ADGRB3: variants seen among roughly 807,000 people sequenced by gnomAD.
ADGRB3 encodes the protein brain-specific angiogenesis inhibitor 3.
ADGRB3 carries 37 observed loss-of-function variants against 193.4 expected under a neutral mutation model. That is an observed-to-expected ratio of 0.19 (90% CI 0.15 to 0.25). ADGRB3 has a LOEUF of 0.25. Ranked by LOEUF, ADGRB3 falls within the 10% of genes least tolerant of loss-of-function variation. ADGRB3 has a pLI of 1.00. For synonymous variants in ADGRB3, 690 were observed against 644.2 expected, an observed-to-expected ratio of 1.07 and a Z score of -1.08; for missense variants, 1,637 against 1,852.9, an observed-to-expected ratio of 0.88 and a Z score of 2.14.
intron 10 of ADGRB3, among the ~76,000 whole-genome samples, chr6:68,979,518 CTT>C (rs1198018463): frequency 6.6e-6 from 1 of 151,496 alleles, no homozygotes; most frequent in African/African-American, 2.4e-5. Context: ...CACAAATACA[CTT>C]ATCCAATTAA....
chr6:68,995,849 C>A, intron 11 of ADGRB3, among the ~76,000 whole-genome samples: 1 of 152,220 alleles, frequency 6.6e-6, no homozygotes, highest in South Asian at 2.1e-4. Context: ...GATGACCAAC[C>A]CCCACCTTTA....
At chr6:69,335,226 A>G (rs1290325991) in intron 24 of ADGRB3, among the ~76,000 whole-genome samples, 1 of 152,174 alleles carries the variant, frequency 6.6e-6, no homozygotes, top group African/African-American at 2.4e-5. Context: ...TAATTCATAT[A>G]GCTCTTTATA....
chr6:69,143,270 A>G (rs1227713360), intron 17 of ADGRB3, among the ~76,000 whole-genome samples: 2 of 151,696 alleles, frequency 1.3e-5, no homozygotes, highest in African/African-American at 4.8e-5. Context: ...AGCTCCTTAT[A>G]TATTCTGGTT....
chr6:68,816,342 T>C (rs1480616854), intron 3 of ADGRB3, among the ~76,000 whole-genome samples: 2 of 138,658 alleles, frequency 1.4e-5, no homozygotes, highest in Non-Finnish European at 3.1e-5. Flanking sequence ...CACTGTTAAA[T>C]GTAGAGTTAT....
intron 3 of ADGRB3, among the ~76,000 whole-genome samples, chr6:68,771,383 T>TAC (rs1485083590): frequency 1.4e-3 from 98 of 68,012 alleles, no homozygotes; most frequent in African/African-American, 4.9e-3. Context: ...CTAGGGAATA[T>TAC]ATACACACAC....
At chr6:68,878,533 C>T (rs958706200) in intron 3 of ADGRB3, among the ~76,000 whole-genome samples, 1 of 152,134 alleles carries the variant, frequency 6.6e-6, no homozygotes, top group Non-Finnish European at 1.5e-5. Flanking sequence ...GTGCTATTTA[C>T]ATTAAGAAAA....
At chr6:68,994,083 T>G in intron 11 of ADGRB3, 121 bp downstream of exon 11, 1 of 933,426 alleles carries the variant, frequency 1.1e-6, no homozygotes, top group South Asian at 1.7e-5. Context: ...ATCCAAGTTA[T>G]GCTTAGTGTG....
chr6:68,983,356 T>C (rs1029992265), intron 10 of ADGRB3, among the ~76,000 whole-genome samples: 5 of 151,552 alleles, frequency 3.3e-5, no homozygotes, highest in African/African-American at 9.7e-5. Context: ...TTGAAACTTT[T>C]TGAAGTGTCT....
At chr6:68,835,471 AT>A (rs542804836) in intron 3 of ADGRB3, among the ~76,000 whole-genome samples, 403 of 152,284 alleles carry the variant, frequency 2.6e-3, no homozygotes, top group Middle Eastern at 0.014. Context: ...AAAAAAATTT[AT>A]CCTAAATGCA....
chr6:69,245,191 C>A (rs1766472493), intron 20 of ADGRB3, among the ~76,000 whole-genome samples: 2 of 152,058 alleles, frequency 1.3e-5, no homozygotes, highest in African/African-American at 4.8e-5. Flanking sequence ...GATCTAGTTT[C>A]TTGTCTCTAT....
At chr6:68,787,701 A>G (rs1198200700) in intron 3 of ADGRB3, among the ~76,000 whole-genome samples, 4 of 151,994 alleles carry the variant, frequency 2.6e-5, no homozygotes, top group Middle Eastern at 3.2e-3. Flanking sequence ...CTCTTTTTCT[A>G]TTGATTGGAA....
intron 3 of ADGRB3, among the ~76,000 whole-genome samples, chr6:68,898,739 T>C (rs1174907212): frequency 6.6e-6 from 1 of 152,116 alleles, no homozygotes; most frequent in Non-Finnish European, 1.5e-5. Flanking sequence ...CAGGGATAAT[T>C]CATGTTCATT....
At chr6:69,273,200 C>G (rs1767218872) in intron 20 of ADGRB3, among the ~76,000 whole-genome samples, 1 of 152,110 alleles carries the variant, frequency 6.6e-6, no homozygotes, top group Non-Finnish European at 1.5e-5. Context: ...TGCGCCTGGC[C>G]CTATTACCAG....
At chr6:69,124,102 T>TC (rs1773790757) in intron 17 of ADGRB3, among the ~76,000 whole-genome samples, 1 of 151,884 alleles carries the variant, frequency 6.6e-6, no homozygotes, top group Admixed American at 6.6e-5. Flanking sequence ...ATTTTTTTTT[T>TC]GTAGGTGACA....
intron 20 of ADGRB3, among the ~76,000 whole-genome samples, chr6:69,286,365 C>T (rs1035327890): frequency 1.3e-5 from 2 of 152,152 alleles, no homozygotes; most frequent in African/African-American, 4.8e-5. Context: ...CTACTTTCTC[C>T]CCCCTTAATC....
At chr6:68,843,511 G>A (rs565132286) in intron 3 of ADGRB3, among the ~76,000 whole-genome samples, 1 of 152,086 alleles carries the variant, frequency 6.6e-6, no homozygotes, top group African/African-American at 2.4e-5. Flanking sequence ...ATTGATGAAA[G>A]AAATTGAAGA....
intron 3 of ADGRB3, among the ~76,000 whole-genome samples, chr6:68,723,868 A>G (rs1384976745): frequency 6.6e-6 from 1 of 151,620 alleles, no homozygotes; most frequent in Non-Finnish European, 1.5e-5. Context: ...AATGCTTGAT[A>G]ACATATTTGA....
intron 13 of ADGRB3, among the ~76,000 whole-genome samples, chr6:69,043,342 A>AAAGAAAGAAAGAAAGGAAG (rs1771144461): frequency 6.8e-6 from 1 of 147,470 alleles, no homozygotes; most frequent in Non-Finnish European, 1.5e-5. Flanking sequence ...GAGAAAGAAA[A>AAAGAAAGAAAGAAAGGAAG]GAAGATTAAG....
At chr6:68,854,653 A>G (rs988517289) in intron 3 of ADGRB3, among the ~76,000 whole-genome samples, 1 of 152,152 alleles carries the variant, frequency 6.6e-6, no homozygotes, top group Non-Finnish European at 1.5e-5. Context: ...CATAGAGAAA[A>G]GAAATGTCCT....
Sources: gnomAD v4.1 joint callset for allele counts (sites outside exome capture counted in the v4.1 genomes callset) on GRCh38, gnomAD v4.1.1 for gene constraint, MANE v1.5 for transcripts, NCBI Gene and HGNC (gene_info 2026-07-23, HGNC 2026-07-21) for gene names.